The following DISP1 variants were observed in gnomAD, a reference collection of about 807,000 sequenced individuals.
DISP1 encodes the protein protein dispatched homolog 1.
A neutral mutation model predicts 37.3 loss-of-function variants in DISP1; 30 were observed. The ratio of observed to expected loss-of-function variants is 0.80; its 90% confidence interval spans 0.60 to 1.09. The LOEUF is 1.09. Ranked by LOEUF, DISP1 falls within the 50% of genes least tolerant of loss-of-function variation. The probability of loss-of-function intolerance (pLI) is 0.00; values close to 1 mark genes in which losing one functional copy is unlikely to be tolerated. For synonymous variants in DISP1, 634 were observed against 690.2 expected, an observed-to-expected ratio of 0.92 and a Z score of 1.28; for missense variants, 1,598 against 1,879.5, an observed-to-expected ratio of 0.85 and a Z score of 2.77.
At chr1:222,894,456 C>T (rs1671124793) in intron 1 of DISP1, among the ~76,000 whole-genome samples, 1 of 152,250 alleles carries the variant, frequency 6.6e-6, no homozygotes, top group Non-Finnish European at 1.5e-5. Context: ...AGTGTTAGCA[C>T]TGCCTCAACT....
chr1:222,966,192 G>T (rs887836039), intron 3 of DISP1, among the ~76,000 whole-genome samples: 18 of 152,140 alleles, frequency 1.2e-4, no homozygotes, highest in Non-Finnish European at 2.2e-4. Context: ...CCCACTTATT[G>T]TAACTAGATA....
At chr1:222,934,800 A>G (rs946589093) in intron 2 of DISP1, among the ~76,000 whole-genome samples, 2 of 152,156 alleles carry the variant, frequency 1.3e-5, no homozygotes, top group Non-Finnish European at 2.9e-5. Context: ...AGTTGCACTA[A>G]AAAGATCAAA....
At chr1:222,965,119 T>C (rs1164049271) in intron 3 of DISP1, among the ~76,000 whole-genome samples, 1 of 152,036 alleles carries the variant, frequency 6.6e-6, no homozygotes, top group East Asian at 1.9e-4. Context: ...CAATAGAAAA[T>C]TTCGCTGCAG....
chr1:222,846,665 G>C (rs1667923393), intron 1 of DISP1, among the ~76,000 whole-genome samples: 1 of 152,256 alleles, frequency 6.6e-6, no homozygotes. Context: ...TCTAAGGCTT[G>C]TGGTTGCAGG....
chr1:222,848,407 T>C (rs1354486626), intron 1 of DISP1, among the ~76,000 whole-genome samples: 1 of 143,942 alleles, frequency 6.9e-6, no homozygotes, highest in East Asian at 1.9e-4. Context: ...GGAGAGTAAA[T>C]TACAAAAAAA....
intron 1 of DISP1, among the ~76,000 whole-genome samples, chr1:222,874,673 A>T (rs1021358268): frequency 2.6e-5 from 4 of 151,926 alleles, no homozygotes; most frequent in Admixed American, 1.3e-4. Context: ...ATTTTTTTTC[A>T]AAGTTTTTAA....
At chr1:222,845,617 A>G (rs1253268318) in intron 1 of DISP1, among the ~76,000 whole-genome samples, 1 of 152,190 alleles carries the variant, frequency 6.6e-6, no homozygotes, top group Non-Finnish European at 1.5e-5. Flanking sequence ...TGGATTTTTG[A>G]ACAATATGTT....
chr1:222,847,723 C>T (rs1360035937), intron 1 of DISP1, among the ~76,000 whole-genome samples: 1 of 151,938 alleles, frequency 6.6e-6, no homozygotes, highest in South Asian at 2.1e-4. Context: ...CCCCCAATAG[C>T]CATGTGCAAC....
chr1:222,866,914 A>G (rs2125336098), intron 1 of DISP1, among the ~76,000 whole-genome samples: 1 of 152,354 alleles, frequency 6.6e-6, no homozygotes, highest in Non-Finnish European at 1.5e-5. Context: ...ATAGTAAAAT[A>G]TAAATTCAGT....
chr1:222,902,647 A>G (rs1671662468), intron 1 of DISP1, among the ~76,000 whole-genome samples: 1 of 152,242 alleles, frequency 6.6e-6, no homozygotes. Context: ...AAAGGATATG[A>G]ACAGACACTT....
chr1:222,985,757 G>T (rs1193631177), intron 4 of DISP1, among the ~76,000 whole-genome samples: 3 of 152,168 alleles, frequency 2.0e-5, no homozygotes, highest in Non-Finnish European at 4.4e-5. Context: ...TTCCCTGAGG[G>T]CAAGATCCAA....
intron 1 of DISP1, among the ~76,000 whole-genome samples, chr1:222,840,619 G>A (rs1667546097): frequency 6.9e-6 from 1 of 144,362 alleles, no homozygotes; most frequent in Non-Finnish European, 1.5e-5. Context: ...CTGGAGTGCA[G>A]TGGTGCTATC....
At chr1:222,944,833 G>A (rs1385037400) in intron 3 of DISP1, among the ~76,000 whole-genome samples, 1 of 152,172 alleles carries the variant, frequency 6.6e-6, no homozygotes, top group Non-Finnish European at 1.5e-5. Flanking sequence ...TTATTGCTGA[G>A]TAGTAATCCA....
At chr1:222,986,251 C>A (rs1678268293) in intron 4 of DISP1, among the ~76,000 whole-genome samples, 2 of 151,642 alleles carry the variant, frequency 1.3e-5, no homozygotes, top group African/African-American at 2.4e-5. Flanking sequence ...CGGCTTTCTG[C>A]TCAGAGGGAA....
At chr1:222,933,579 A>G (rs561521745) in intron 2 of DISP1, among the ~76,000 whole-genome samples, 6 of 151,986 alleles carry the variant, frequency 3.9e-5, no homozygotes, top group Non-Finnish European at 5.9e-5. Flanking sequence ...ATCTTCAAAT[A>G]TATAATGTTT....
chr1:222,876,395 A>G (rs1432171626), intron 1 of DISP1, among the ~76,000 whole-genome samples: 1 of 152,314 alleles, frequency 6.6e-6, no homozygotes, highest in African/African-American at 2.4e-5. Context: ...CTATGCACAT[A>G]TCCTTCTTCC....
intron 1 of DISP1, among the ~76,000 whole-genome samples, chr1:222,818,406 A>G (rs2125119057): frequency 1.3e-5 from 2 of 152,180 alleles, no homozygotes; most frequent in South Asian, 4.2e-4. Context: ...GGAGCCTCCC[A>G]CCTCTTGTGT....
rs1162221036 is a variant in DISP1 at position 222,936,535 on chromosome 1, C to CTA, written c.-17-6271_-17-6270insAT. Among the ~76,000 whole-genome samples, 3 of 124,120 alleles carry CTA rather than the reference C, an allele frequency of 2.4e-5. No individual in the cohort carries two copies. In the South Asian group the frequency reaches 9.4e-4, roughly 39 times the overall value. The allele number at this position is 124,120 out of a possible 152,430, so 81.4% of individuals were successfully genotyped here. ...TTCAGTATGATGGAAATGTCTCTCT[C>CTA]TCTCTCTATATATATATATATGAGA... On this transcript the variant is annotated intron_variant, in intron 2 of 8. Coordinates refer to ENST00000675850, the MANE Select transcript of DISP1 (RefSeq NM_001377229.1).
At chr1:222,970,974 C>G (rs77787949) in intron 3 of DISP1, among the ~76,000 whole-genome samples, 12,487 of 152,066 alleles carry the variant, frequency 0.082, 1,741 homozygotes, top group African/African-American at 0.29. Flanking sequence ...TTGTGGCTTT[C>G]CCTACTTTTC....
Sources: allele counts gnomAD v4.1 joint callset (sites outside exome capture counted in the v4.1 genomes callset), GRCh38; gene constraint gnomAD v4.1.1; transcripts MANE v1.5; gene names NCBI Gene and HGNC (gene_info 2026-07-23, HGNC 2026-07-21).